The following TRHR variants were observed in gnomAD, a reference collection of about 807,000 sequenced individuals.
TRHR encodes thyrotropin-releasing hormone receptor.
A neutral mutation model predicts 28.0 loss-of-function variants in TRHR; 14 were observed. The observed-to-expected ratio is 0.50, with a 90% CI of 0.33 to 0.78. The LOEUF (loss-of-function observed/expected upper bound fraction) is 0.78, where lower values mean the gene tolerates loss of function less well. Ranked by LOEUF, TRHR falls within the 30% of genes least tolerant of loss-of-function variation. The probability of loss-of-function intolerance (pLI) is 0.02; values close to 1 mark genes in which losing one functional copy is unlikely to be tolerated. For synonymous variants in TRHR, 176 were observed against 171.9 expected (o/e 1.02, Z -0.18); for missense variants, 438 against 469.5 (o/e 0.93, Z 0.62).
At chr8:109,088,654 A>G (rs1487100207) in intron 2 of TRHR, among the ~76,000 whole-genome samples, 1 of 152,238 alleles carries the variant, frequency 6.6e-6, no homozygotes, top group African/African-American at 2.4e-5. Context: ...AAATAATTCT[A>G]TTGCATGATA....
At chr8:109,107,528 A>G (rs755983975) in intron 2 of TRHR, among the ~76,000 whole-genome samples, 1 of 152,208 alleles carries the variant, frequency 6.6e-6, no homozygotes, top group African/African-American at 2.4e-5. Context: ...AACCCTGACC[A>G]TATCATCCAA....
Position 109,119,074 on chromosome 8 carries a change from A to G in TRHR, c.816A>G (p.Val272=), listed in dbSNP as rs1258499939. ...TCACCAAGATGCTGGCAGTGGTTGT[A>G]ATTCTGTTTGCCCTTTTATGGATGC... ...KQVTKMLAVV[V]ILFALLWMPY... Residue 272 remains valine, a synonymous_variant, in exon 3 of 3, where the codon GTA becomes GTG. Transcript: ENST00000518632. 1.9e-6 allele frequency: 3 copies of G among 1,612,686 alleles called. No homozygotes were observed. The highest frequency in any genetic ancestry group is 2.5e-6 in the Non-Finnish European group (3 of 1,179,132).
intron 2 of TRHR, among the ~76,000 whole-genome samples, chr8:109,098,733 T>C (rs1231601567): frequency 3.9e-5 from 6 of 152,090 alleles, no homozygotes; most frequent in Non-Finnish European, 8.8e-5. Flanking sequence ...ACTCCTCCAG[T>C]CTTGAGCACT....
intron 2 of TRHR, among the ~76,000 whole-genome samples, 196 bp from the exon 3 acceptor site, chr8:109,118,852 C>T (rs1811958605): frequency 6.6e-6 from 1 of 151,838 alleles, no homozygotes; most frequent in African/African-American, 2.4e-5. Flanking sequence ...CCTACTTTGG[C>T]TTTTCCTTGT....
At position 109,118,407 on chromosome 8, in the gene TRHR, A is replaced by C. The variant is rs1283915784; in HGVS notation, c.790-641A>C. Among the ~76,000 whole-genome samples, 4 of 151,926 alleles carry C rather than the reference A, an allele frequency of 2.6e-5. No individual in the cohort carries two copies. The East Asian group carries it at 7.8e-4, about 29-fold the overall frequency. ...GAGGGCAATGTTGGCTCCATTTTAC[A>C]GATGAGCTATAAGATAGGTTAAGAT... On this transcript the variant is annotated intron_variant, in intron 2 of 2. Transcript: ENST00000518632.
intron 2 of TRHR, among the ~76,000 whole-genome samples, chr8:109,095,869 G>T (rs1463255683): frequency 2.0e-5 from 3 of 151,280 alleles, no homozygotes; most frequent in Non-Finnish European, 4.4e-5. Context: ...ACATCCTAGT[G>T]ATTCCAGCTC....
intron 2 of TRHR, among the ~76,000 whole-genome samples, chr8:109,089,350 C>T (rs1356444865): frequency 2.0e-5 from 3 of 151,472 alleles, no homozygotes; most frequent in African/African-American, 7.3e-5. Context: ...GTTCTGTGTA[C>T]ATAGCTAGAA....
chr8:109,098,426 C>T (rs1361283324), intron 2 of TRHR, among the ~76,000 whole-genome samples: 1 of 152,088 alleles, frequency 6.6e-6, no homozygotes, highest in East Asian at 1.9e-4. Context: ...GCCATTGCAT[C>T]CCCCAACCCA....
At chr8:109,094,982 G>C (rs1811567588) in intron 2 of TRHR, among the ~76,000 whole-genome samples, 1 of 151,670 alleles carries the variant, frequency 6.6e-6, no homozygotes. Flanking sequence ...TGATTGGTAA[G>C]TATGTTCTTA....
chr8:109,114,413 A>G (rs1375686843), intron 2 of TRHR, among the ~76,000 whole-genome samples: 1 of 152,074 alleles, frequency 6.6e-6, no homozygotes, highest in African/African-American at 2.4e-5. Flanking sequence ...CAACATTTTC[A>G]GAACTCAATA....
intron 2 of TRHR, 89 bp downstream of exon 2, chr8:109,088,390 T>C (rs1811474571): frequency 6.0e-6 from 8 of 1,336,766 alleles, no homozygotes; most frequent in Admixed American, 1.8e-5. Context: ...GTTTAGCTGA[T>C]GGCGAAACCA....
At chr8:109,086,992 A>G (rs1377682855) in intron 1 of TRHR, 109 bp downstream of exon 1, 1 of 165,214 alleles carries the variant, frequency 6.1e-6, no homozygotes, top group Non-Finnish European at 1.3e-5. Context: ...CTCTGAGAGC[A>G]AAAGAGGCAA....
At chr8:109,103,825 C>T (rs548130568) in intron 2 of TRHR, among the ~76,000 whole-genome samples, 3 of 152,112 alleles carry the variant, frequency 2.0e-5, no homozygotes, top group African/African-American at 7.2e-5. Context: ...TAAATCACAC[C>T]GGGCTCACTG....
Position 109,119,305 on chromosome 8 carries a change from T to C in TRHR, c.1047T>C (p.Ser349=). The change falls in exon 3 of 3, where the codon AGT becomes AGC. Residue 349 remains serine, a synonymous_variant. Coordinates refer to ENST00000518632, the MANE Select transcript of TRHR (RefSeq NM_003301.7). ...CAACAGAGAAACCTGCTAACTACAG[T>C]GTGGCCCTAAATTACAGCGTCATCA... The part of the protein sequence containing the change: ...QKPTEKPANY[S]VALNYSVIKE... 6.2e-7 allele frequency: 1 copy of C among 1,612,614 alleles called. No individual in the cohort carries two copies. The highest frequency in any genetic ancestry group is 1.1e-5 in the South Asian group (1 of 91,038).
intron 2 of TRHR, among the ~76,000 whole-genome samples, chr8:109,117,845 G>A (rs1443361373): frequency 6.6e-6 from 1 of 151,894 alleles, no homozygotes; most frequent in Non-Finnish European, 1.5e-5. Context: ...GAATGTCTTA[G>A]TTGGTATTAT....
rs549010012 is a variant in TRHR, at chr8:109,105,997, C to T, written c.790-13051C>T. Among the ~76,000 whole-genome samples the T allele has an allele frequency of 2.6e-5, 4 of 152,110 alleles. No homozygotes were observed. In the East Asian group the frequency reaches 7.7e-4, roughly 29 times the overall value. Reference sequence around the variant, plus strand: ...TACATGTACTGGTGTATGATAATTGCTGAAAAGATAAATTATAAATACACA... The same window carrying T: ...TACATGTACTGGTGTATGATAATTGTTGAAAAGATAAATTATAAATACACA... On this transcript the variant is annotated intron_variant, in intron 2 of 2. Coordinates refer to ENST00000518632, the MANE Select transcript of TRHR (RefSeq NM_003301.7).
intron 2 of TRHR, among the ~76,000 whole-genome samples, chr8:109,109,392 A>T (rs1811795588): frequency 6.6e-6 from 1 of 152,080 alleles, no homozygotes. Context: ...CATCAGTCTT[A>T]TCCTCTCTAA....
rs199711390 is a variant in TRHR at position 109,106,898 on chromosome 8, G to C, written c.790-12150G>C. On this transcript the variant is annotated intron_variant, in intron 2 of 2. Transcript: ENST00000518632. ...GTAAAGGAGTGGAAACCCTCAAGGA[G>C]GCATCATTCTATGGAATAATGAGAG... is the stretch of plus-strand genomic sequence containing the variant. Among the ~76,000 whole-genome samples, 21 of 152,224 alleles carry C rather than the reference G, an allele frequency of 1.4e-4. No individual in the cohort carries two copies. The East Asian group carries it at 3.5e-3, about 25-fold the overall frequency.
In TRHR at chr8:109,087,544, A is replaced by G; in HGVS notation, c.32A>G (p.Gln11Arg). The G allele has an allele frequency of 6.2e-7, 1 of 1,614,260 alleles. No homozygotes were observed. ...AACGAGACAGTCAGTGAACTGAACCAAACACAGCTTCAGCCACGAGCAGTG... is the reference window on the plus strand; with the variant it reads ...AACGAGACAGTCAGTGAACTGAACCGAACACAGCTTCAGCCACGAGCAGTG... MENETVSELN[Q>R]TQLQPRAVVA... is the part of the protein sequence containing the mutation. Residue 11 changes from glutamine to arginine, a missense_variant, in exon 2 of 3, where the codon CAA (glutamine) becomes CGA (arginine). Transcript: ENST00000518632.
Sources: allele counts gnomAD v4.1 joint callset (sites outside exome capture counted in the v4.1 genomes callset), GRCh38; gene constraint gnomAD v4.1.1; transcripts MANE v1.5; gene names NCBI Gene and HGNC (gene_info 2026-07-23, HGNC 2026-07-21).